Variants in ADAMTS19 observed in about 807,000 individuals in gnomAD.
ADAMTS19 encodes the protein A disintegrin and metalloproteinase with thrombospondin motifs 19.
Under a neutral mutation model 153.3 loss-of-function variants are expected in ADAMTS19, and 93 were observed. That is an observed-to-expected ratio of 0.61 (90% CI 0.51 to 0.72). The LOEUF is 0.72. ADAMTS19 is among the 30% of genes least tolerant of loss of function. ADAMTS19 has a pLI of 0.00. For missense variants in ADAMTS19, 1,482 were observed against 1,552.1 expected (o/e 0.95, Z 0.76); for synonymous variants, 600 against 556.6 (o/e 1.08, Z -1.10).
chr5:129,600,341 C>T (rs533271267), intron 8 of ADAMTS19, among the ~76,000 whole-genome samples: 24 of 151,534 alleles, frequency 1.6e-4, no homozygotes, highest in African/African-American at 5.3e-4. Context: ...CTTTTTTTTG[C>T]GTTAAATTTT....
intron 14 of ADAMTS19, among the ~76,000 whole-genome samples, chr5:129,654,821 T>C (rs1164534196): frequency 6.6e-6 from 1 of 152,160 alleles, no homozygotes; most frequent in Non-Finnish European, 1.5e-5. Flanking sequence ...ATCAATAAAA[T>C]TGACCTTATA....
Position 129,711,280 on chromosome 5 carries a change from C to A in ADAMTS19, c.3312+6889C>A, listed in dbSNP as rs139448994. Among the ~76,000 whole-genome samples, 987 of 152,174 alleles carry A rather than the reference C, an allele frequency of 6.5e-3. 15 individuals are homozygous for A. Among genetic ancestry groups the A allele is most frequent in the African/African-American group, 0.023 (942 of 41,518 alleles). On this transcript the variant is annotated intron_variant, in intron 21 of 22. Coordinates refer to ENST00000274487, the MANE Select transcript of ADAMTS19 (RefSeq NM_133638.6). ...CTGAAACTAGAGAATAAAATAAACA[C>A]AATTAGGAAAATAATATCTTGTCAA...
intron 6 of ADAMTS19, among the ~76,000 whole-genome samples, chr5:129,539,506 T>C (rs1453073544): frequency 6.6e-6 from 1 of 152,076 alleles, no homozygotes; most frequent in Non-Finnish European, 1.5e-5. Context: ...ATAACAAATT[T>C]GTGTTGTTTT....
chr5:129,592,304 G>C (rs892588654), intron 7 of ADAMTS19, among the ~76,000 whole-genome samples: 2 of 150,864 alleles, frequency 1.3e-5, no homozygotes, highest in Non-Finnish European at 3.0e-5. Flanking sequence ...CGCTGAAACC[G>C]GGAGGCGGAG....
intron 21 of ADAMTS19, among the ~76,000 whole-genome samples, chr5:129,718,681 C>T (rs966773537): frequency 2.6e-5 from 4 of 152,138 alleles, no homozygotes; most frequent in African/African-American, 9.7e-5. Context: ...GTCCTCTCTC[C>T]ACTGTGAATG....
intron 16 of ADAMTS19, among the ~76,000 whole-genome samples, chr5:129,673,005 C>T (rs1249638926): frequency 6.6e-6 from 1 of 151,688 alleles, no homozygotes; most frequent in African/African-American, 2.4e-5. Flanking sequence ...ATAATATTAC[C>T]TTATTATACT....
In ADAMTS19 at chr5:129,704,342, G is replaced by A; in HGVS notation, c.3263G>A (p.Cys1088Tyr). ...ACCAGACCCAGGGAGGCTGAAGACT[G>A]TGAGGATTATTCAAAATGCTATGTG... ...LSTRPREAED[C>Y]EDYSKCYVWR... is the part of the protein sequence containing the mutation. Residue 1088 changes from cysteine to tyrosine, a missense_variant, in exon 21 of 23, where the codon TGT becomes TAT. Around this residue, in one of 2 missense-constraint regions of ADAMTS19, gnomAD observed 616 missense variants for 724.4 expected, o/e 0.85. Coordinates refer to ENST00000274487, the MANE Select transcript of ADAMTS19 (RefSeq NM_133638.6). The A allele has an allele frequency of 6.2e-7, 1 of 1,614,136 alleles. No homozygotes were observed. The highest frequency in any genetic ancestry group is 2.2e-5 in the East Asian group (1 of 44,868).
At chr5:129,522,399 A>C (rs1240635320) in intron 3 of ADAMTS19, among the ~76,000 whole-genome samples, 1 of 133,498 alleles carries the variant, frequency 7.5e-6, no homozygotes, top group Non-Finnish European at 1.5e-5. Flanking sequence ...AACTGCTGGT[A>C]CTGAATCTGG....
Position 129,648,977 on chromosome 5 carries a change from C to T in ADAMTS19, c.2176+7C>T. 1.3e-6 allele frequency: 2 copies of T among 1,579,198 alleles called. No homozygotes were observed. Among genetic ancestry groups the T allele is most frequent in the Non-Finnish European group, 1.7e-6 (2 of 1,155,482 alleles). On this transcript the variant is annotated splice_region_variant and intron_variant, in intron 13 of 22. Transcript: ENST00000274487. ...CAAGCTGTCCTGGATGAAGGTATGACCAACCAGATCACCACCATCTTTGTT... is the reference window on the plus strand; with the variant it reads ...CAAGCTGTCCTGGATGAAGGTATGATCAACCAGATCACCACCATCTTTGTT...
At position 129,704,343 on chromosome 5, in the gene ADAMTS19, T is replaced by A; in HGVS notation, c.3264T>A (p.Cys1088Ter). 6.2e-7 allele frequency: 1 copy of A among 1,614,078 alleles called. No individual in the cohort carries two copies. The highest frequency in any genetic ancestry group is 1.1e-5 in the South Asian group (1 of 91,070). ...LSTRPREAED[C>*]EDYSKCYVWR... Reference sequence around the variant, plus strand: ...CCAGACCCAGGGAGGCTGAAGACTGTGAGGATTATTCAAAATGCTATGTGT... The same window carrying A: ...CCAGACCCAGGGAGGCTGAAGACTGAGAGGATTATTCAAAATGCTATGTGT... The change falls in exon 21 of 23, where the codon TGT becomes TGA. Residue 1088 changes from cysteine to a stop codon, truncating the protein, a stop_gained. Coordinates refer to ENST00000274487, the MANE Select transcript of ADAMTS19 (RefSeq NM_133638.6). LOFTEE classifies it high-confidence loss of function.
Position 129,694,729 on chromosome 5 carries a change from AGAC to A in ADAMTS19, c.2829_2831del (p.Thr945del). ...TATTTGTTCTTTTCAGGAGAAAGGA[AGAC>A]AACAGTGTCCTGCACAAAAATCATG... On this transcript the variant is annotated inframe_deletion, in exon 19 of 23. Transcript: ENST00000274487. 6.3e-7 allele frequency: 1 copy of A among 1,580,266 alleles called. No individual in the cohort carries two copies. Among genetic ancestry groups the A allele is most frequent in the South Asian group, 1.2e-5 (1 of 84,442 alleles).
intron 8 of ADAMTS19, among the ~76,000 whole-genome samples, chr5:129,601,745 G>C (rs1454916502): frequency 6.6e-6 from 1 of 152,184 alleles, no homozygotes; most frequent in African/African-American, 2.4e-5. Context: ...CATGCACAAA[G>C]TATTGGCAAC....
rs982335585 is a variant in ADAMTS19 at position 129,704,145 on chromosome 5, A to T, written c.3160-94A>T. On this transcript the variant is annotated intron_variant, in intron 20 of 22. Transcript: ENST00000274487. ...TCTGGCTTTTATGGGTGATGGGCTC[A>T]TAACAGATTATTGGAAACCAGTACT... 1.4e-5 allele frequency: 19 copies of T among 1,346,734 alleles called. No homozygotes were observed. In the African/African-American group the frequency reaches 2.5e-4, roughly 18 times the overall value. The allele number at this position is 1,346,734 out of a possible 1,614,324, so 83.4% of individuals were successfully genotyped here. A position where few individuals can be genotyped will look rare whatever the true frequency, so the allele number is the denominator to read the frequency against.
chr5:129,624,249 TG>T (rs1259478346), intron 10 of ADAMTS19, among the ~76,000 whole-genome samples: 1 of 151,988 alleles, frequency 6.6e-6, no homozygotes, highest in Non-Finnish European at 1.5e-5. Flanking sequence ...CATGGATCCT[TG>T]GAACTCCACA....
intron 2 of ADAMTS19, among the ~76,000 whole-genome samples, chr5:129,470,262 C>A (rs1750019983): frequency 6.6e-6 from 1 of 152,164 alleles, no homozygotes; most frequent in Non-Finnish European, 1.5e-5. Flanking sequence ...TTATTGAGTT[C>A]ATGCACAATT....
At chr5:129,702,941 A>AAAAAAAAT in intron 20 of ADAMTS19, among the ~76,000 whole-genome samples, 17 of 29,304 alleles carry the variant, frequency 5.8e-4, no homozygotes, top group African/African-American at 1.3e-3. Context: ...AAAAAAAAAA[A>AAAAAAAAT]ATATATATAT....
intron 2 of ADAMTS19, among the ~76,000 whole-genome samples, chr5:129,505,689 C>T (rs538875717): frequency 6.6e-6 from 1 of 151,736 alleles, no homozygotes; most frequent in African/African-American, 2.4e-5. Context: ...AAAAGCAATG[C>T]TAAATTGCAA....
chr5:129,729,929 T>A (rs1331163074), intron 21 of ADAMTS19, among the ~76,000 whole-genome samples: 1 of 152,096 alleles, frequency 6.6e-6, no homozygotes, highest in East Asian at 1.9e-4. Context: ...ACCTTCTTTA[T>A]CACATCAGAG....
intron 4 of ADAMTS19, 200 bp downstream of exon 4, chr5:129,526,656 C>A (rs1346176001): frequency 6.0e-6 from 3 of 500,128 alleles, no homozygotes; most frequent in South Asian, 3.5e-5. Context: ...ATCTTGTAAA[C>A]CCTTGTTAAT....
Sources: allele counts gnomAD v4.1 joint callset (sites outside exome capture counted in the v4.1 genomes callset), GRCh38; gene constraint gnomAD v4.1.1; regional missense constraint gnomAD v4.1.1; transcripts MANE v1.5; gene names NCBI Gene and HGNC (gene_info 2026-07-23, HGNC 2026-07-21).